ATP8B2: variants seen among roughly 807,000 people sequenced by gnomAD.
ATP8B2 encodes ATPase phospholipid transporting 8B2, also known as phospholipid-transporting ATPase ID.
A neutral mutation model predicts 133.4 loss-of-function variants in ATP8B2; 70 were observed. The observed-to-expected ratio is 0.52, with a 90% CI of 0.43 to 0.64. The LOEUF is 0.64. Among genes scored for constraint, ATP8B2 ranks in the 30% least tolerant of loss-of-function variants. ATP8B2 has a pLI of 0.00. For synonymous variants in ATP8B2, 517 were observed against 589.5 expected (o/e 0.88, Z 1.78); for missense variants, 1,101 against 1,535.7 (o/e 0.72, Z 4.73).
In ATP8B2 at chr1:154,344,626, T is replaced by C; in HGVS notation, c.2142-15T>C. 1 of 1,606,642 alleles carries C rather than the reference T, an allele frequency of 6.2e-7. No homozygotes were observed. Among genetic ancestry groups the C allele is most frequent in the Non-Finnish European group, 8.5e-7 (1 of 1,173,740 alleles). On this transcript the variant is annotated splice_polypyrimidine_tract_variant and intron_variant, in intron 20 of 27. Transcript: ENST00000368489. This position sits in a 1 kb window ranked among gnomAD's most constrained non-coding sequence, Gnocchi z 4.1. ...GTTCTGGAAGACCACAACCGTATCA[T>C]TTCCACCTCGACAGGAAAGCCCGGG...
intron 9 of ATP8B2, 133 bp downstream of exon 9, chr1:154,332,830 G>T: frequency 1.4e-6 from 1 of 690,338 alleles, no homozygotes. Context: ...TTGGGGAGGG[G>T]AGTGTTTGTA....
chr1:154,338,354 T>C (rs1442610730), intron 12 of ATP8B2, among the ~76,000 whole-genome samples: 1 of 123,548 alleles, frequency 8.1e-6, no homozygotes, highest in Non-Finnish European at 1.9e-5. Context: ...ACTTTGTATT[T>C]ACTAACCATT....
In ATP8B2 at chr1:154,345,696, A is replaced by G. The variant is rs1979575; in HGVS notation, c.2695-104A>G. Reference sequence around the variant, plus strand: ...ATTAAAGGAGGAGAGAAGGAGCCTCAGAAAATTTCTTAGGGTTCTCTGTAT... The same window carrying G: ...ATTAAAGGAGGAGAGAAGGAGCCTCGGAAAATTTCTTAGGGTTCTCTGTAT... On this transcript the variant is annotated intron_variant, in intron 23 of 27. Coordinates refer to ENST00000368489, the MANE Select transcript of ATP8B2 (RefSeq NM_001370597.1). The surrounding 1 kb of genome is among the most constrained non-coding windows in gnomAD (Gnocchi z 5.6). The G allele has an allele frequency of 0.16, 212,505 of 1,355,278 alleles. 17,529 individuals carry two copies. The highest frequency in any genetic ancestry group is 0.22 in the South Asian group (17,976 of 81,534). 84.0% of individuals were successfully genotyped at this position (1,355,278 alleles called of 1,614,324 possible). A position where few individuals can be genotyped will look rare whatever the true frequency, so the allele number is the denominator to read the frequency against.
Position 154,328,720 on chromosome 1 carries a change from T to A in ATP8B2, c.31+548T>A. 1 of 890,296 alleles carries A rather than the reference T, an allele frequency of 1.1e-6. No homozygotes were observed. Among genetic ancestry groups the A allele is most frequent in the Admixed American group, 6.2e-5 (1 of 16,162 alleles). The allele number at this position is 890,296 out of a possible 1,614,324, so 55.1% of individuals were successfully genotyped here. A position where few individuals can be genotyped will look rare whatever the true frequency, so the allele number is the denominator to read the frequency against. ...GCGGGCGGGGGCGGAACCCTGGGCG[T>A]GCTCGGCGTGTCCGGGGCCACTCAG... On this transcript the variant is annotated intron_variant, in intron 2 of 27. Coordinates refer to ENST00000368489, the MANE Select transcript of ATP8B2 (RefSeq NM_001370597.1). This position sits in a 1 kb window ranked among gnomAD's most constrained non-coding sequence, Gnocchi z 4.6.
Position 154,343,639 on chromosome 1 carries a change from G to A in ATP8B2, c.1758+71G>A, listed in dbSNP as rs1686465843. 5.7e-6 allele frequency: 8 copies of A among 1,398,396 alleles called. No individual in the cohort carries two copies. The highest frequency in any genetic ancestry group is 8.1e-6 in the Non-Finnish European group (8 of 992,576). The allele number at this position is 1,398,396 out of a possible 1,614,324, so 86.6% of individuals were successfully genotyped here. A position where few individuals can be genotyped will look rare whatever the true frequency, so the allele number is the denominator to read the frequency against. On this transcript the variant is annotated intron_variant, in intron 17 of 27. Coordinates refer to ENST00000368489, the MANE Select transcript of ATP8B2 (RefSeq NM_001370597.1). This position sits in a 1 kb window ranked among gnomAD's most constrained non-coding sequence, Gnocchi z 5.8. ...AGTGTGGGGGAGGCGACTTAAGTTT[G>A]TTTTATTGTGTAAATTTAAGGTCTA...
At chr1:154,348,695 G>A in intron 27 of ATP8B2, 145 bp from the exon 28 acceptor site, 3 of 1,380,154 alleles carry the variant, frequency 2.2e-6, no homozygotes, top group Non-Finnish European at 1.9e-6. Context: ...GCTGGCCACA[G>A]AGGCCTCTGC....
rs1047287168 is a variant in ATP8B2, at chr1:154,348,896, G to A, written c.3351G>A (p.Arg1117=). 3 of 1,613,584 alleles carry A rather than the reference G, an allele frequency of 1.9e-6. No homozygotes were observed. Among genetic ancestry groups the A allele is most frequent in the Non-Finnish European group, 2.5e-6 (3 of 1,179,714 alleles). ...AGAAGGCCCAGCACCGCTGCATGCG[G>A]CGGGTTGGCCGCACTGGCTCCCGGC... ...KKQKAQHRCM[R]RVGRTGSRRS... is the part of the protein sequence containing the mutation. Residue 1117 remains arginine (R), a synonymous_variant, in exon 28 of 28, where the codon CGG becomes CGA. Transcript: ENST00000368489.
Position 154,338,143 on chromosome 1 carries a change from C to T in ATP8B2, c.1034+599C>T, listed in dbSNP as rs573594235. 4.6e-5 allele frequency among the ~76,000 whole-genome samples: 7 copies of T among 152,260 alleles called. No homozygotes were observed. In the South Asian group the frequency reaches 1.5e-3, roughly 32 times the overall value. Reference sequence around the variant, plus strand: ...GGCAGAGAGGGAGAGATGGCATTTGCTCTGGGCTTTGAGTGGTGACTGGGC... The same window carrying T: ...GGCAGAGAGGGAGAGATGGCATTTGTTCTGGGCTTTGAGTGGTGACTGGGC... On this transcript the variant is annotated intron_variant, in intron 12 of 27. Coordinates refer to ENST00000368489, the MANE Select transcript of ATP8B2 (RefSeq NM_001370597.1).
In ATP8B2 at chr1:154,342,808, G is replaced by C. The variant is rs1558273662; in HGVS notation, c.1300G>C (p.Val434Leu). The change falls in exon 15 of 28, where the codon GTT (valine) becomes CTT (leucine). Residue 434 changes from valine (V) to leucine (L), a missense_variant. Transcript: ENST00000368489. Reference protein sequence around the residue: ...KAELGERPEPVDFSFNPLADK... With the variant: ...KAELGERPEPLDFSFNPLADK... ...TTATGTGTTTCAGAGGCCTGAACCT[G>C]TTGACTTCTCCTTCAATCCTCTGGC... is the stretch of plus-strand genomic sequence containing the variant. The C allele has an allele frequency of 6.2e-7, 1 of 1,614,130 alleles. No homozygotes were observed. Among genetic ancestry groups the C allele is most frequent in the Non-Finnish European group, 8.5e-7 (1 of 1,180,000 alleles).
chr1:154,335,275 C>G (rs368830296), intron 11 of ATP8B2, among the ~76,000 whole-genome samples: 4 of 152,322 alleles, frequency 2.6e-5, no homozygotes, highest in African/African-American at 9.6e-5. Context: ...CACCAATCTC[C>G]TATTTTGTTT....
Position 154,342,536 on chromosome 1 carries a change from CT to C in ATP8B2, c.1287+14del. On this transcript the variant is annotated intron_variant, in intron 14 of 27. Coordinates refer to ENST00000368489, the MANE Select transcript of ATP8B2 (RefSeq NM_001370597.1). ...TGAATTGGGAGAGGTAAGATTCAGTCTCCCTAATTCTATGTGCCAGTGAAAC... is the reference window on the plus strand; with the variant it reads ...TGAATTGGGAGAGGTAAGATTCAGTCCCCTAATTCTATGTGCCAGTGAAAC... 1 of 1,611,948 alleles carries C rather than the reference CT, an allele frequency of 6.2e-7. No individual in the cohort carries two copies. Among genetic ancestry groups the C allele is most frequent in the Non-Finnish European group, 8.5e-7 (1 of 1,178,088 alleles).
chr1:154,344,606 G>T lies in ATP8B2; in HGVS notation c.2142-35G>T. 4 of 1,607,490 alleles carry T rather than the reference G, an allele frequency of 2.5e-6. No individual in the cohort carries two copies. Among genetic ancestry groups the T allele is most frequent in the Non-Finnish European group, 3.4e-6 (4 of 1,174,568 alleles). Reference sequence around the variant, plus strand: ...AATCCCTGCTCCCCACTGCCGTTCTGGAAGACCACAACCGTATCATTTCCA... The same window carrying T: ...AATCCCTGCTCCCCACTGCCGTTCTTGAAGACCACAACCGTATCATTTCCA... On this transcript the variant is annotated intron_variant, in intron 20 of 27. Coordinates refer to ENST00000368489, the MANE Select transcript of ATP8B2 (RefSeq NM_001370597.1). The surrounding 1 kb of genome is among the most constrained non-coding windows in gnomAD (Gnocchi z 4.1).
chr1:154,326,444 G>A (rs1280505779), intron 1 of ATP8B2, among the ~76,000 whole-genome samples: 1 of 152,128 alleles, frequency 6.6e-6, no homozygotes, highest in Admixed American at 6.5e-5. Flanking sequence ...AAATGTGGCC[G>A]AGAGGGGGCT....
intron 12 of ATP8B2, among the ~76,000 whole-genome samples, chr1:154,338,982 G>A (rs1686289077): frequency 1.3e-5 from 2 of 152,206 alleles, no homozygotes; most frequent in African/African-American, 4.8e-5. Context: ...AGGAAGACGA[G>A]GCAGGAGGAA....
At chr1:154,339,953 G>A (rs1035670615) in intron 12 of ATP8B2, among the ~76,000 whole-genome samples, 8 of 152,116 alleles carry the variant, frequency 5.3e-5, no homozygotes, top group Non-Finnish European at 8.8e-5. Flanking sequence ...CGGTGGAGGC[G>A]GGAGGATCTC....
chr1:154,335,528 CAAA>C (rs2149165108), intron 11 of ATP8B2, among the ~76,000 whole-genome samples: 1 of 151,644 alleles, frequency 6.6e-6, no homozygotes, highest in African/African-American at 2.4e-5. Flanking sequence ...CCTGTCTTTA[CAAA>C]AAACTGAAAA....
chr1:154,343,668 C>A lies in ATP8B2; in HGVS notation c.1758+100C>A. 8.4e-7 allele frequency: 1 copy of A among 1,196,772 alleles called. No homozygotes were observed. Among genetic ancestry groups the A allele is most frequent in the Non-Finnish European group, 1.2e-6 (1 of 826,088 alleles). 74.1% of individuals were successfully genotyped at this position (1,196,772 alleles called of 1,614,324 possible). On this transcript the variant is annotated intron_variant, in intron 17 of 27. Transcript: ENST00000368489. The surrounding 1 kb of genome is among the most constrained non-coding windows in gnomAD (Gnocchi z 5.8). Reference sequence around the variant, plus strand: ...TATTGTGTAAATTTAAGGTCTACAACGTGATGTTTTGATGTGTATATATAG... The same window carrying A: ...TATTGTGTAAATTTAAGGTCTACAAAGTGATGTTTTGATGTGTATATATAG...
At position 154,343,486 on chromosome 1, in the gene ATP8B2, G is replaced by T; in HGVS notation, c.1676G>T (p.Cys559Phe). Residue 559 changes from cysteine (C) to phenylalanine (F), a missense_variant, in exon 17 of 28, where the codon TGC (cysteine) becomes TTC (phenylalanine). Cys to Phe is a radical substitution (Grantham distance 205). Coordinates refer to ENST00000368489, the MANE Select transcript of ATP8B2 (RefSeq NM_001370597.1). The surrounding 1 kb of genome is among the most constrained non-coding windows in gnomAD (Gnocchi z 5.8). ...RNPEGKIRLY[C>F]KGADTILLDR... is the part of the protein sequence containing the mutation. ...CCAGAGGGGAAGATCCGACTCTACTGCAAAGGGGCTGACACTATCCTACTG... is the reference window on the plus strand; with the variant it reads ...CCAGAGGGGAAGATCCGACTCTACTTCAAAGGGGCTGACACTATCCTACTG... 6.2e-7 allele frequency: 1 copy of T among 1,614,128 alleles called. No individual in the cohort carries two copies. Among genetic ancestry groups the T allele is most frequent in the Non-Finnish European group, 8.5e-7 (1 of 1,180,028 alleles).
At position 154,343,989 on chromosome 1, in the gene ATP8B2, A is replaced by G; in HGVS notation, c.1855A>G (p.Ser619Gly). 1 of 1,614,060 alleles carries G rather than the reference A, an allele frequency of 6.2e-7. No homozygotes were observed. The highest frequency in any genetic ancestry group is 1.1e-5 in the South Asian group (1 of 91,070). The change falls in exon 18 of 28, where the codon AGC becomes GGC. Residue 619 changes from serine (S) to glycine (G), a missense_variant. By Grantham distance (56) the Ser-to-Gly change is moderately conservative. Coordinates refer to ENST00000368489, the MANE Select transcript of ATP8B2 (RefSeq NM_001370597.1). This position sits in a 1 kb window ranked among gnomAD's most constrained non-coding sequence, Gnocchi z 5.8. ...GTGGGCTGAGCGACGCCTCCAGGCC[A>G]GCCTGGCCCAGGACAGCCGGGAGGA... ...EEWAERRLQA[S>G]LAQDSREDRL...
Sources: gnomAD v4.1 joint callset for allele counts (sites outside exome capture counted in the v4.1 genomes callset) on GRCh38, gnomAD v4.1.1 for gene constraint, Gnocchi (gnomAD v3.1) non-coding constraint, MANE v1.5 for transcripts, NCBI Gene and HGNC (gene_info 2026-07-23, HGNC 2026-07-21) for gene names.